The following HELLS variants were observed in gnomAD, a reference collection of about 807,000 sequenced individuals.
HELLS encodes the protein helicase, lymphoid specific.
A neutral mutation model predicts 120.0 loss-of-function variants in HELLS; 32 were observed. The ratio of observed to expected loss-of-function variants is 0.27; its 90% CI spans 0.20 to 0.36. HELLS has a LOEUF of 0.36. HELLS is among the 10% of genes least tolerant of loss of function. The probability of loss-of-function intolerance (pLI) is 1.00; values close to 1 mark genes in which losing one functional copy is unlikely to be tolerated. For synonymous variants in HELLS, 341 were observed against 323.4 expected (o/e 1.05, Z -0.58); for missense variants, 650 against 993.4 (o/e 0.65, Z 4.65).
intron 2 of HELLS, among the ~76,000 whole-genome samples, chr10:94,553,006 T>A (rs1843059929): frequency 6.6e-6 from 1 of 152,172 alleles, no homozygotes; most frequent in African/African-American, 2.4e-5. Context: ...ATGTCTGTTT[T>A]GATTGTTAGG....
intron 4 of HELLS, among the ~76,000 whole-genome samples, chr10:94,561,085 AC>A (rs1009296177): frequency 6.7e-6 from 1 of 148,706 alleles, no homozygotes; most frequent in African/African-American, 2.5e-5. Flanking sequence ...CAAAAAAAAA[AC>A]CCTCTGATCC....
intron 4 of HELLS, among the ~76,000 whole-genome samples, chr10:94,559,521 C>T (rs1244143015): frequency 6.6e-6 from 1 of 152,054 alleles, no homozygotes; most frequent in Non-Finnish European, 1.5e-5. Flanking sequence ...TCTTAGCTCA[C>T]TGCTACCTCC....
chr10:94,568,592 T>C (rs757468570), intron 6 of HELLS, among the ~76,000 whole-genome samples: 12 of 152,172 alleles, frequency 7.9e-5, no homozygotes, highest in Non-Finnish European at 1.2e-4. Flanking sequence ...TTGTCAAGAG[T>C]ACCAGATTGG....
At chr10:94,575,741 G>A (rs943211008) in intron 9 of HELLS, among the ~76,000 whole-genome samples, 5 of 128,502 alleles carry the variant, frequency 3.9e-5, no homozygotes, top group African/African-American at 1.4e-4. Flanking sequence ...TTATGTATTT[G>A]TAGGTTTTTT....
At chr10:94,560,995 G>A (rs1433785150) in intron 4 of HELLS, among the ~76,000 whole-genome samples, 2 of 151,634 alleles carry the variant, frequency 1.3e-5, no homozygotes, top group African/African-American at 2.4e-5. Context: ...GGCCGAGGTT[G>A]CAGTGAGCTG....
At chr10:94,549,439 A>G (rs1842882558) in intron 2 of HELLS, among the ~76,000 whole-genome samples, 1 of 152,212 alleles carries the variant, frequency 6.6e-6, no homozygotes, top group Non-Finnish European at 1.5e-5. Flanking sequence ...GACTTTTCAC[A>G]TGTATTTCCC....
chr10:94,547,878 T>C (rs1279873494), intron 2 of HELLS, among the ~76,000 whole-genome samples: 4 of 152,216 alleles, frequency 2.6e-5, no homozygotes, highest in Non-Finnish European at 4.4e-5. Flanking sequence ...CCTTCCGTTA[T>C]TACTGATGAT....
At chr10:94,581,734 G>C (rs1241843640) in intron 11 of HELLS, among the ~76,000 whole-genome samples, 2 of 152,172 alleles carry the variant, frequency 1.3e-5, no homozygotes, top group East Asian at 3.8e-4. Context: ...GAAGACTGCT[G>C]AATGCAACTT....
intron 6 of HELLS, chr10:94,570,807 A>G (rs1844108917): frequency 6.6e-6 from 1 of 152,026 alleles, no homozygotes; most frequent in Non-Finnish European, 1.5e-5. Flanking sequence ...TCAGATGTCT[A>G]TCCACAGAGG....
At chr10:94,605,966 G>A (rs1349454652), downstream of HELLS, among the ~76,000 whole-genome samples, 2 of 151,900 alleles carry the variant, frequency 1.3e-5, no homozygotes, top group Non-Finnish European at 2.9e-5. Context: ...TGTTGAAGGT[G>A]GGGGGAACCA....
At chr10:94,595,455 C>T (rs1845695123) in intron 19 of HELLS, among the ~76,000 whole-genome samples, 2 of 152,048 alleles carry the variant, frequency 1.3e-5, no homozygotes, top group South Asian at 4.2e-4. Context: ...TTTGCAAGTT[C>T]CATGTATTAA....
At chr10:94,578,468 G>A (rs1315732176) in intron 10 of HELLS, among the ~76,000 whole-genome samples, 1 of 152,054 alleles carries the variant, frequency 6.6e-6, no homozygotes, top group Non-Finnish European at 1.5e-5. Flanking sequence ...AAGCTTAGGC[G>A]GGCAGATCAC....
At chr10:94,607,449 T>G (rs1287285579) in intron 8 of HELLS, among the ~76,000 whole-genome samples, 4 of 152,220 alleles carry the variant, frequency 2.6e-5, no homozygotes, top group Admixed American at 2.0e-4. Flanking sequence ...ATAGATGGAC[T>G]CATTTCATGA....
intron 12 of HELLS, among the ~76,000 whole-genome samples, chr10:94,585,171 A>G (rs1034420403): frequency 6.6e-6 from 1 of 151,894 alleles, no homozygotes; most frequent in Non-Finnish European, 1.5e-5. Flanking sequence ...CCCCATATTG[A>G]AGGCCAAAAG....
At chr10:94,595,096 C>T (rs1243012102) in intron 19 of HELLS, among the ~76,000 whole-genome samples, 1 of 151,136 alleles carries the variant, frequency 6.6e-6, no homozygotes, top group African/African-American at 2.5e-5. Context: ...GGCTCGGTGG[C>T]GGGCGCCTGT....
chr10:94,589,680 CTTTTTTTTTTTTT>C (rs67491329), intron 13 of HELLS, among the ~76,000 whole-genome samples: 2 of 91,968 alleles, frequency 2.2e-5, no homozygotes, highest in Non-Finnish European at 4.1e-5. Context: ...CTCCCCCCGA[CTTTTTTTTTTTTT>C]TTTTTTTTTT....
At chr10:94,546,544 T>A (rs769562246) in intron 2 of HELLS, 46 bp downstream of exon 2, 1 of 1,611,102 alleles carries the variant, frequency 6.2e-7, no homozygotes, top group Non-Finnish European at 8.5e-7. Flanking sequence ...TGTGGTAACC[T>A]CGGCTTTAAC....
downstream of HELLS, among the ~76,000 whole-genome samples, chr10:94,605,853 A>C (rs550150021): frequency 4.1e-4 from 62 of 151,380 alleles, no homozygotes; most frequent in Non-Finnish European, 8.3e-4. Flanking sequence ...CTGGTCCTGA[A>C]CTCCTGGGCT....
chr10:94,600,845 C>T (rs1347905048), intron 21 of HELLS, among the ~76,000 whole-genome samples: 1 of 152,016 alleles, frequency 6.6e-6, no homozygotes, highest in Non-Finnish European at 1.5e-5. Context: ...GGAAAGACTA[C>T]TATAAGACAG....
Sources: allele counts gnomAD v4.1 joint callset (sites outside exome capture counted in the v4.1 genomes callset), GRCh38; gene constraint gnomAD v4.1.1; transcripts MANE v1.5; gene names NCBI Gene and HGNC (gene_info 2026-07-23, HGNC 2026-07-21).